PDE8B: variants seen among roughly 807,000 people sequenced by gnomAD.
PDE8B encodes high affinity cAMP-specific and IBMX-insensitive 3',5'-cyclic phosphodiesterase 8B.
Under a neutral mutation model 101.3 loss-of-function variants are expected in PDE8B, and 26 were observed. That is an observed-to-expected ratio of 0.26 (90% CI 0.19 to 0.36). The LOEUF (loss-of-function observed/expected upper bound fraction) is 0.36. PDE8B is among the 10% of genes least tolerant of loss of function. PDE8B has a pLI of 1.00. For synonymous variants in PDE8B, 424 were observed against 429.3 expected (o/e 0.99, Z 0.15); for missense variants, 810 against 1,163.1 (o/e 0.70, Z 4.42).
chr5:77,268,288 A>T (rs746091060), intron 1 of PDE8B, among the ~76,000 whole-genome samples: 1 of 152,160 alleles, frequency 6.6e-6, no homozygotes, highest in Non-Finnish European at 1.5e-5. Context: ...ATTTTGATAC[A>T]GGCGTACAAT....
the PDE8B span, among the ~76,000 whole-genome samples, chr5:77,106,646 A>G: frequency 6.6e-6 from 1 of 152,104 alleles, no homozygotes; most frequent in Non-Finnish European, 1.5e-5. Context: ...AATCTGCTGG[A>G]TTTTTGACAG....
At chr5:77,425,193 A>G (rs1379218970) in intron 20 of PDE8B, among the ~76,000 whole-genome samples, 4 of 152,230 alleles carry the variant, frequency 2.6e-5, no homozygotes, top group Non-Finnish European at 5.9e-5. Flanking sequence ...CTTTGCAATG[A>G]TAAAAGCAGA....
At chr5:77,308,242 A>G (rs1303743785) in intron 1 of PDE8B, among the ~76,000 whole-genome samples, 1 of 152,190 alleles carries the variant, frequency 6.6e-6, no homozygotes, top group African/African-American at 2.4e-5. Flanking sequence ...CCAAGGCCAG[A>G]TGACTTGGAG....
chr5:77,378,050 C>CACACACACACACACACACA (rs1297659516), intron 10 of PDE8B, among the ~76,000 whole-genome samples: 3 of 110,188 alleles, frequency 2.7e-5, no homozygotes, highest in African/African-American at 1.6e-4. Context: ...ACACACACAC[C>CACACACACACACACACACA]CCCTGTTGGT....
rs1748388861 is a variant in PDE8B, at chr5:77,211,460, G to GAAAA, written c.339+196_339+197insAAAA. Among the ~76,000 whole-genome samples the GAAAA allele has an allele frequency of 2.0e-5, 3 of 152,238 alleles. No individual in the cohort carries two copies. Among genetic ancestry groups the GAAAA allele is most frequent in the Non-Finnish European group, 2.9e-5 (2 of 68,042 alleles). ...ATGTGGTCAGAAAAAGGCCCCTGGA[G>GAAAA]GGGTCCTGGAAGCGTCCTTAGCTGG... On this transcript the variant is annotated intron_variant, in intron 1 of 21. Transcript: ENST00000264917. This position sits in a 1 kb window ranked among gnomAD's most constrained non-coding sequence, Gnocchi z 4.1.
chr5:77,189,409 A>G, the PDE8B span, among the ~76,000 whole-genome samples: 1 of 152,194 alleles, frequency 6.6e-6, no homozygotes, highest in East Asian at 1.9e-4. Flanking sequence ...TGAGCACCAG[A>G]AAGAAAGATA....
intron 10 of PDE8B, among the ~76,000 whole-genome samples, chr5:77,376,176 C>T (rs1050396469): frequency 5.3e-5 from 8 of 152,164 alleles, no homozygotes; most frequent in African/African-American, 9.7e-5. Flanking sequence ...AGGTGGCATC[C>T]GTCCTCAGAT....
intron 1 of PDE8B, among the ~76,000 whole-genome samples, chr5:77,261,676 C>T (rs984233330): frequency 1.3e-5 from 2 of 152,224 alleles, no homozygotes; most frequent in Non-Finnish European, 2.9e-5. Flanking sequence ...CTGCTCTCCA[C>T]ACTAGACCTG....
intron 1 of PDE8B, among the ~76,000 whole-genome samples, chr5:77,242,619 T>C (rs946871183): frequency 6.6e-6 from 1 of 152,252 alleles, no homozygotes; most frequent in Non-Finnish European, 1.5e-5. Context: ...CTCCTTCTGT[T>C]AGAAGTTTTA....
the PDE8B span, among the ~76,000 whole-genome samples, chr5:77,129,452 C>T: frequency 4.0e-3 from 605 of 152,176 alleles, 2 homozygotes; most frequent in African/African-American, 0.014. Context: ...TGGTTTTTCT[C>T]GTCATTCCTG....
At chr5:77,125,735 A>AT in the PDE8B span, among the ~76,000 whole-genome samples, 1 of 152,232 alleles carries the variant, frequency 6.6e-6, no homozygotes, top group African/African-American at 2.4e-5. Context: ...TTCCATTAAT[A>AT]TGAAGTACTT....
At chr5:77,343,227 A>C (rs574302119) in intron 6 of PDE8B, among the ~76,000 whole-genome samples, 14 of 152,330 alleles carry the variant, frequency 9.2e-5, no homozygotes, top group African/African-American at 3.1e-4. Flanking sequence ...TTAGGATTGC[A>C]ATAATGAAAT....
the PDE8B span, chr5:77,141,190 A>G: frequency 7.9e-5 from 12 of 152,230 alleles, no homozygotes; most frequent in East Asian, 2.3e-3. Flanking sequence ...TAGAAACATA[A>G]TAGCAATGGG....
chr5:77,291,421 T>C (rs1767316553), intron 1 of PDE8B: 6 of 1,611,450 alleles, frequency 3.7e-6, no homozygotes, highest in Non-Finnish European at 4.2e-6. Flanking sequence ...GAACCGACAA[T>C]TGTGACAGGT....
chr5:77,412,310 G>A (rs1268824395), intron 16 of PDE8B, 75 bp downstream of exon 16: 2 of 1,512,812 alleles, frequency 1.3e-6, no homozygotes, highest in African/African-American at 1.4e-5. Context: ...GAAACTTTGA[G>A]GGAGACATGT....
chr5:77,415,036 A>G (rs1365145574), intron 17 of PDE8B, among the ~76,000 whole-genome samples: 2 of 152,210 alleles, frequency 1.3e-5, no homozygotes, highest in Non-Finnish European at 2.9e-5. Context: ...ACAGCAATAG[A>G]AACAAGTTTA....
chr5:77,423,232 GCAC>G (rs1467720514), intron 20 of PDE8B, among the ~76,000 whole-genome samples: 5 of 152,056 alleles, frequency 3.3e-5, no homozygotes, highest in African/African-American at 2.4e-5. Flanking sequence ...TGGTGTATAT[GCAC>G]CACATTTTCT....
the PDE8B span, among the ~76,000 whole-genome samples, chr5:77,130,553 C>T: frequency 5.3e-5 from 8 of 152,128 alleles, no homozygotes; most frequent in African/African-American, 1.9e-4. Context: ...ATGAAATAGG[C>T]ACTTCAGATC....
At chr5:77,290,541 G>C (rs1329277255) in intron 1 of PDE8B, 2 of 1,479,482 alleles carry the variant, frequency 1.4e-6, no homozygotes, top group Non-Finnish European at 1.9e-6. Flanking sequence ...GATTGACGAT[G>C]CCTTGTGGGA....
Sources: gnomAD v4.1 joint callset for allele counts (sites outside exome capture counted in the v4.1 genomes callset) on GRCh38, gnomAD v4.1.1 for gene constraint, Gnocchi (gnomAD v3.1) non-coding constraint, MANE v1.5 for transcripts, NCBI Gene and HGNC (gene_info 2026-07-23, HGNC 2026-07-21) for gene names.